ADGRV1: variants seen among roughly 807,000 people sequenced by gnomAD.
The protein encoded by ADGRV1 is adhesion G protein-coupled receptor V1.
Under a neutral mutation model 596.2 loss-of-function variants are expected in ADGRV1, and 359 were observed. The ratio of observed to expected loss-of-function variants is 0.60; its 90% confidence interval spans 0.55 to 0.66. ADGRV1 has a LOEUF of 0.66. Ranked by LOEUF, ADGRV1 falls within the 30% of genes least tolerant of loss-of-function variation. The pLI, the probability that ADGRV1 is intolerant of heterozygous loss-of-function variation, is 0.00. For synonymous variants in ADGRV1, 2,681 were observed against 2,679.2 expected, an observed-to-expected ratio of 1.00 and a Z score of -0.02; for missense variants, 7,274 against 7,575.6, an observed-to-expected ratio of 0.96 and a Z score of 1.48.
chr5:90,716,972 A>G (rs780790035), intron 43 of ADGRV1: 4 of 287,210 alleles, frequency 1.4e-5, no homozygotes, highest in Non-Finnish European at 2.6e-5. Flanking sequence ...AAGAAAATAT[A>G]TGTATGGCTA....
chr5:90,783,446 G>T lies in ADGRV1; in HGVS notation c.13433+121G>T, dbSNP rs1759077239. 6.8e-6 allele frequency: 5 copies of T among 739,644 alleles called. No individual in the cohort carries two copies. The South Asian group carries it at 6.9e-5, about 10-fold the overall frequency. The allele number at this position is 739,644 out of a possible 1,614,324, so 45.8% of individuals were successfully genotyped here. A position where few individuals can be genotyped will look rare whatever the true frequency, so the allele number is the denominator to read the frequency against. The stretch of plus-strand genomic sequence containing the variant: ...ATATGTGTCCATTGGAAAACAACAG[G>T]TGAAATACTTTTGGGGTACTAGGGG... On this transcript the variant is annotated intron_variant, in intron 66 of 89. Coordinates refer to ENST00000405460, the MANE Select transcript of ADGRV1 (RefSeq NM_032119.4).
chr5:91,162,722 G>A (rs1797059631), intron 89 of ADGRV1, among the ~76,000 whole-genome samples: 1 of 152,172 alleles, frequency 6.6e-6, no homozygotes, highest in African/African-American at 2.4e-5. Context: ...AGAAGAAGGA[G>A]GGCTTGGCTA....
intron 62 of ADGRV1, 129 bp downstream of exon 62, chr5:90,778,172 T>G: frequency 9.5e-7 from 1 of 1,056,068 alleles, no homozygotes; most frequent in Non-Finnish European, 1.4e-6. Flanking sequence ...GGGGAGGAGG[T>G]AAATATTACA....
chr5:90,679,362 A>G (rs955704253), intron 25 of ADGRV1, among the ~76,000 whole-genome samples, 187 bp from the exon 26 acceptor site: 2 of 152,156 alleles, frequency 1.3e-5, no homozygotes, highest in African/African-American at 2.4e-5. Flanking sequence ...AAATTTTGAT[A>G]ATTTGGTAGC....
intron 59 of ADGRV1, among the ~76,000 whole-genome samples, chr5:90,770,429 T>C (rs2438353): frequency 0.6 from 91,370 of 151,940 alleles, 28,018 homozygotes; most frequent in East Asian, 0.83. Context: ...GTGGTACTTC[T>C]TGTTATTTAG....
chr5:91,031,029 G>A (rs1204182864), intron 85 of ADGRV1: 1 of 1,498,454 alleles, frequency 6.7e-7, no homozygotes, highest in African/African-American at 1.4e-5. Context: ...TAGAAACCTT[G>A]ACAAATGCCT....
intron 73 of ADGRV1, among the ~76,000 whole-genome samples, chr5:90,808,421 A>G (rs939860347): frequency 1.3e-5 from 2 of 152,228 alleles, no homozygotes; most frequent in African/African-American, 4.8e-5. Flanking sequence ...ATTTTGGGGT[A>G]TGAAAACTAG....
intron 87 of ADGRV1, among the ~76,000 whole-genome samples, chr5:91,114,947 C>T (rs1160133349): frequency 2.0e-5 from 3 of 152,148 alleles, no homozygotes; most frequent in Admixed American, 1.3e-4. Flanking sequence ...CAGATTCCTG[C>T]AAATCCCAGG....
chr5:91,053,751 A>C (rs759601874), intron 85 of ADGRV1, among the ~76,000 whole-genome samples: 1 of 152,194 alleles, frequency 6.6e-6, no homozygotes, highest in Non-Finnish European at 1.5e-5. Flanking sequence ...GCCAAACTCC[A>C]GGTGGTTTTG....
chr5:90,975,924 T>G (rs1254309715), intron 84 of ADGRV1, among the ~76,000 whole-genome samples: 1 of 152,158 alleles, frequency 6.6e-6, no homozygotes, highest in Non-Finnish European at 1.5e-5. Flanking sequence ...TTTAAAATCT[T>G]GCAGTATCTT....
chr5:90,697,642 C>T (rs1470659754), intron 34 of ADGRV1, among the ~76,000 whole-genome samples: 1 of 152,024 alleles, frequency 6.6e-6, no homozygotes, highest in African/African-American at 2.4e-5. Context: ...ATTTTATGAA[C>T]AAAGTGCCAA....
chr5:91,066,678 A>G (rs1787910789), intron 85 of ADGRV1, among the ~76,000 whole-genome samples: 1 of 152,212 alleles, frequency 6.6e-6, no homozygotes, highest in African/African-American at 2.4e-5. Context: ...TATCTGCACC[A>G]TGGGTTACCC....
At chr5:90,964,566 C>G (rs566577169) in intron 83 of ADGRV1, among the ~76,000 whole-genome samples, 7 of 152,216 alleles carry the variant, frequency 4.6e-5, no homozygotes, top group African/African-American at 1.7e-4. Context: ...ATAGAAATCA[C>G]AAAGAGTCTT....
intron 83 of ADGRV1, among the ~76,000 whole-genome samples, chr5:90,953,605 A>C (rs1384084534): frequency 6.6e-6 from 1 of 152,118 alleles, no homozygotes; most frequent in Non-Finnish European, 1.5e-5. Context: ...AACAATTCAT[A>C]AATGTCTTGA....
chr5:90,791,083 T>C lies in ADGRV1; in HGVS notation c.14254T>C (p.Phe4752Leu). The change falls in exon 70 of 90, where the codon TTC (phenylalanine) becomes CTC (leucine). Residue 4752 changes from phenylalanine (F) to leucine (L), a missense_variant. Around this residue, in one of 5 missense-constraint regions of ADGRV1, gnomAD observed 1,874 missense variants for 1,970.2 expected, o/e 0.95. Transcript: ENST00000405460. ...ELDLEKSITW[F>L]SVYANDDPHG... ...GGATCTGGAGAAGAGTATCACATGG[T>C]TCTCTGTTTATGCAAATGATGACCC... 3 of 1,613,938 alleles carry C rather than the reference T, an allele frequency of 1.9e-6. No homozygotes were observed. Among genetic ancestry groups the C allele is most frequent in the Middle Eastern group, 1.7e-4 (1 of 6,060 alleles).
intron 5 of ADGRV1, among the ~76,000 whole-genome samples, chr5:90,623,713 C>G (rs966656898): frequency 1.3e-5 from 2 of 152,118 alleles, no homozygotes; most frequent in African/African-American, 4.8e-5. Context: ...ATGCCTTCCC[C>G]CTGCCCCCCA....
chr5:90,892,417 T>C (rs1770912028), intron 83 of ADGRV1, among the ~76,000 whole-genome samples: 2 of 152,100 alleles, frequency 1.3e-5, no homozygotes, highest in African/African-American at 2.4e-5. Flanking sequence ...TCTTATGTCA[T>C]TCAGGCCTGG....
chr5:90,892,278 G>T (rs1255435913), intron 83 of ADGRV1, among the ~76,000 whole-genome samples: 1 of 151,772 alleles, frequency 6.6e-6, no homozygotes, highest in Non-Finnish European at 1.5e-5. Context: ...TTCTGTTCTA[G>T]TACTTTCTGA....
At chr5:91,085,209 C>T (rs1219979873) in intron 86 of ADGRV1, among the ~76,000 whole-genome samples, 1 of 152,060 alleles carries the variant, frequency 6.6e-6, no homozygotes, top group African/African-American at 2.4e-5. Context: ...GCACATGTAC[C>T]CTAGAACTTT....
Sources: gnomAD v4.1 joint callset for allele counts (sites outside exome capture counted in the v4.1 genomes callset) on GRCh38, gnomAD v4.1.1 for gene constraint, gnomAD v4.1.1 regional missense constraint, MANE v1.5 for transcripts, NCBI Gene and HGNC (gene_info 2026-07-23, HGNC 2026-07-21) for gene names.